The following EPHA1 variants were observed in gnomAD, a reference collection of about 807,000 sequenced individuals.
The protein encoded by EPHA1 is ephrin type-A receptor 1.
In EPHA1, 92 loss-of-function variants were observed where a neutral mutation model predicts 110.1. The observed-to-expected ratio is 0.84, with a 90% confidence interval of 0.71 to 0.99. EPHA1 has a LOEUF of 0.99. Ranked by LOEUF, EPHA1 falls within the 50% of genes least tolerant of loss-of-function variation. The probability of loss-of-function intolerance (pLI) is 0.00; values close to 1 mark genes in which losing one functional copy is unlikely to be tolerated. For missense variants in EPHA1, 1,204 were observed against 1,285.4 expected (o/e 0.94, Z 0.97); for synonymous variants, 500 against 516.1 (o/e 0.97, Z 0.42).
intron 11 of EPHA1, 102 bp downstream of exon 11, chr7:143,396,283 C>T: frequency 6.8e-7 from 1 of 1,465,230 alleles, no homozygotes; most frequent in Non-Finnish European, 9.1e-7. Flanking sequence ...CCAGAGAAGC[C>T]AGCTGGGCTG....
chr7:143,398,139 A>G, intron 7 of EPHA1, 69 bp from the exon 8 acceptor site: 2 of 1,598,520 alleles, frequency 1.3e-6, no homozygotes, highest in Non-Finnish European at 1.7e-6. Context: ...GGACAGCATC[A>G]GAGCACATGG....
At chr7:143,400,397 T>C (rs997523228) in intron 3 of EPHA1, among the ~76,000 whole-genome samples, 9 of 152,206 alleles carry the variant, frequency 5.9e-5, no homozygotes, top group Non-Finnish European at 1.2e-4. Context: ...TTCAGAGGCA[T>C]TCCCAAACTC....
intron 2 of EPHA1, 150 bp downstream of exon 2, chr7:143,407,461 G>T: frequency 1.5e-6 from 1 of 650,264 alleles, no homozygotes; most frequent in Non-Finnish European, 2.7e-6. Context: ...GTCCCATTGA[G>T]GAGGCTCTGA....
chr7:143,395,775 CCCTGTGGAGCGGGACTGGGCCGTG>C lies in EPHA1; in HGVS notation c.1898-295_1898-272del, dbSNP rs1285808187. ...GCTCGGCAACTGCAGGGTGAATGAACCCTGTGGAGCGGGACTGGGCCGTGCTCATGAAGAGCAAGCTAGTGCGGC... is the reference window on the plus strand; with the variant it reads ...GCTCGGCAACTGCAGGGTGAATGAACCTCATGAAGAGCAAGCTAGTGCGGC... On this transcript the variant is annotated intron_variant, in intron 11 of 17. Coordinates refer to ENST00000275815, the MANE Select transcript of EPHA1 (RefSeq NM_005232.5). This position sits in a 1 kb window ranked among gnomAD's most constrained non-coding sequence, Gnocchi z 4.7. Among the ~76,000 whole-genome samples, 1 of 152,236 alleles carries C rather than the reference CCCTGTGGAGCGGGACTGGGCCGTG, an allele frequency of 6.6e-6. No homozygotes were observed. Among genetic ancestry groups the C allele is most frequent in the Non-Finnish European group, 1.5e-5 (1 of 68,054 alleles).
rs1421420411 is a variant in EPHA1, at chr7:143,399,833, A to G, written c.653T>C (p.Leu218Pro). 2 of 1,609,042 alleles carry G rather than the reference A, an allele frequency of 1.2e-6. No homozygotes were observed. The highest frequency in any genetic ancestry group is 1.3e-5 in the African/African-American group (1 of 74,806). ...TTCCACCAACCCAGCGGGGCCAGGC[A>G]GAGTGTCTGGGAATTGGGCCAAGCC... ...LNGLAQFPDT[L>P]PGPAGLVEVA... is the part of the protein sequence containing the mutation. Residue 218 changes from leucine to proline, a missense_variant, in exon 4 of 18, where the codon CTG (leucine) becomes CCG (proline). Leu to Pro is a moderately conservative substitution (Grantham distance 98). Transcript: ENST00000275815.
In EPHA1 at chr7:143,395,027, G is replaced by A. The variant is rs779807002; in HGVS notation, c.2146-13C>T. 6 of 1,613,900 alleles carry A rather than the reference G, an allele frequency of 3.7e-6. No homozygotes were observed. In the South Asian group the frequency reaches 6.6e-5, roughly 18 times the overall value. On this transcript the variant is annotated splice_polypyrimidine_tract_variant and intron_variant, in intron 13 of 17. Coordinates refer to ENST00000275815, the MANE Select transcript of EPHA1 (RefSeq NM_005232.5). The surrounding 1 kb of genome is among the most constrained non-coding windows in gnomAD (Gnocchi z 4.7). ...GGTCCTCCCGCTCCTGCAGCAGGGTGAGTGGGTGAGTCAGGGGATGGGCCA... is the reference window on the plus strand; with the variant it reads ...GGTCCTCCCGCTCCTGCAGCAGGGTAAGTGGGTGAGTCAGGGGATGGGCCA...
At position 143,400,126 on chromosome 7, in the gene EPHA1, G is replaced by A. The variant is rs143695404; in HGVS notation, c.433-73C>T. Reference sequence around the variant, plus strand: ...TCTTTCCCACATAACAGAAACAATCGTTTGCTTAATACTTTCCACAACCAT... The same window carrying A: ...TCTTTCCCACATAACAGAAACAATCATTTGCTTAATACTTTCCACAACCAT... On this transcript the variant is annotated intron_variant, in intron 3 of 17. Transcript: ENST00000275815. The A allele has an allele frequency of 3.4e-3, 4,997 of 1,489,986 alleles. 12 individuals are homozygous for A. Among genetic ancestry groups the A allele is most frequent in the Non-Finnish European group, 3.7e-3 (4,159 of 1,109,852 alleles). The allele number at this position is 1,489,986 out of a possible 1,614,324, so 92.3% of individuals were successfully genotyped here.
At chr7:143,397,702 T>C (rs763454805) in intron 8 of EPHA1, 45 bp from the exon 9 acceptor site, 2 of 1,607,542 alleles carry the variant, frequency 1.2e-6, no homozygotes, top group Non-Finnish European at 1.7e-6. Context: ...TCACAGTCCG[T>C]AGGAATGAGG....
Position 143,397,590 on chromosome 7 carries a change from C to T in EPHA1, c.1683G>A (p.Leu561=), listed in dbSNP as rs1190235949. Residue 561 remains leucine, a synonymous_variant, in exon 9 of 18, where the codon TTG becomes TTA. Transcript: ENST00000275815. ...ACCGGAAAACGAGAATCCCAAGCAG[C>T]AAGGCTGCACCAAGCAGCAGCCCAA... ...VIFGLLLGAA[L]LLGILVFRSR... is the part of the protein sequence containing the mutation. 12 of 1,614,038 alleles carry T rather than the reference C, an allele frequency of 7.4e-6. No individual in the cohort carries two copies. Among genetic ancestry groups the T allele is most frequent in the Non-Finnish European group, 6.8e-6 (8 of 1,179,924 alleles).
Position 143,391,765 on chromosome 7 carries a change from G to T in EPHA1, c.2707C>A (p.Arg903Ser), listed in dbSNP as rs748905712. The part of the protein sequence containing the change: ...IANFDPRMTL[R>S]LPSLSGSDGI... ...TCTGAGCCACTCAGGCTGGGCAGGC[G>T]AAGAGTCATCCTGTGGGACATGGGC... Residue 903 changes from arginine to serine, a missense_variant, in exon 17 of 18, where the codon CGC (arginine) becomes AGC (serine). By Grantham distance (110) the Arg-to-Ser change is moderately radical. Transcript: ENST00000275815. 2 of 1,613,746 alleles carry T rather than the reference G, an allele frequency of 1.2e-6. No homozygotes were observed. The highest frequency in any genetic ancestry group is 1.1e-5 in the South Asian group (1 of 91,088).
Position 143,399,382 on chromosome 7 carries a change from C to T in EPHA1, c.867G>A (p.Met289Ile), listed in dbSNP as rs139580332. The change falls in exon 5 of 18, where the codon ATG becomes ATA. Residue 289 changes from methionine to isoleucine, a missense_variant. By Grantham distance (10) the Met-to-Ile change is conservative. Coordinates refer to ENST00000275815, the MANE Select transcript of EPHA1 (RefSeq NM_005232.5). ...ACPSGSYRMD[M>I]DTPHCLTCPQ... ...GGCACGTGAGACAATGGGGTGTGTC[C>T]ATGTCCATCCGGTAGGAGCCGCTAG... 7.7e-5 allele frequency: 123 copies of T among 1,602,258 alleles called. 1 individual carries two copies. The African/African-American group carries it at 1.5e-3, about 20-fold the overall frequency.
In EPHA1 at chr7:143,401,526, G is replaced by T. The variant is rs760843035; in HGVS notation, c.230C>A (p.Thr77Asn). 9 of 1,614,056 alleles carry T rather than the reference G, an allele frequency of 5.6e-6. No homozygotes were observed. In the Admixed American group the frequency reaches 1.3e-4, roughly 24 times the overall value. Residue 77 changes from threonine to asparagine, a missense_variant, in exon 3 of 18, where the codon ACT becomes AAT. Physicochemically the swap from Thr to Asn is moderately conservative, Grantham distance 65 (BLOSUM62 0). Transcript: ENST00000275815. This position sits in a 1 kb window ranked among gnomAD's most constrained non-coding sequence, Gnocchi z 4.1. ...QDCPMQGRRD[T>N]DHWLRSNWIY... Reference sequence around the variant, plus strand: ...CCAATTGGAGCGAAGCCAGTGGTCAGTGTCTCTGCGTCCTTGCATTGGGCA... The same window carrying T: ...CCAATTGGAGCGAAGCCAGTGGTCATTGTCTCTGCGTCCTTGCATTGGGCA...
Position 143,401,145 on chromosome 7 carries a change from G to T in EPHA1, c.432+179C>A. On this transcript the variant is annotated intron_variant, in intron 3 of 17. Coordinates refer to ENST00000275815, the MANE Select transcript of EPHA1 (RefSeq NM_005232.5). The surrounding 1 kb of genome is among the most constrained non-coding windows in gnomAD (Gnocchi z 4.1). The stretch of plus-strand genomic sequence containing the variant: ...TGGCCTCAAGTGATCTTCCCACATC[G>T]GTTTCCCAAAGCACTGGAATTACAG... 1.3e-6 allele frequency: 1 copy of T among 763,870 alleles called. No individual in the cohort carries two copies. The highest frequency in any genetic ancestry group is 2.1e-6 in the Non-Finnish European group (1 of 485,180). The allele number at this position is 763,870 out of a possible 1,614,324, so 47.3% of individuals were successfully genotyped here.
chr7:143,394,067 G>A, intron 15 of EPHA1, 127 bp downstream of exon 15: 1 of 1,347,236 alleles, frequency 7.4e-7, no homozygotes, highest in Non-Finnish European at 1.0e-6. Context: ...AGAGGAGCCA[G>A]GAGTACAGAA....
At chr7:143,396,250 G>T in intron 11 of EPHA1, 135 bp downstream of exon 11, 2 of 1,230,804 alleles carry the variant, frequency 1.6e-6, no homozygotes, top group Non-Finnish European at 2.2e-6. Flanking sequence ...AGAGCAGAGT[G>T]AGTACCTCTG....
At chr7:143,391,596 G>T in intron 17 of EPHA1, 24 bp downstream of exon 17, 1 of 1,614,144 alleles carries the variant, frequency 6.2e-7, no homozygotes, top group East Asian at 2.2e-5. Flanking sequence ...GCCCTCCCCT[G>T]CCCAGACAGC....
chr7:143,396,262 A>C, intron 11 of EPHA1, 123 bp downstream of exon 11: 1 of 1,325,682 alleles, frequency 7.5e-7, no homozygotes, highest in Non-Finnish European at 1.0e-6. Context: ...GTACCTCTGG[A>C]AACTCTTGGA....
chr7:143,391,696 G>C lies in EPHA1; in HGVS notation c.2776C>G (p.Arg926Gly), dbSNP rs138715519. The C allele has an allele frequency of 6.2e-7, 1 of 1,613,842 alleles. No homozygotes were observed. Among genetic ancestry groups the C allele is most frequent in the South Asian group, 1.1e-5 (1 of 91,090 alleles). Residue 926 changes from arginine to glycine, a missense_variant, in exon 17 of 18, where the codon CGC (arginine) becomes GGC (glycine). Arg to Gly is a moderately radical substitution (Grantham distance 125). Coordinates refer to ENST00000275815, the MANE Select transcript of EPHA1 (RefSeq NM_005232.5). ...RTVSEWLESI[R>G]MKRYILHFHS... ...AAGTGCAGGATGTAGCGTTTCATGC[G>C]TATGGACTCGAGCCACTCAGAGACG...
At chr7:143,403,802 G>GTATA (rs1805480676) in intron 2 of EPHA1, among the ~76,000 whole-genome samples, 1 of 152,198 alleles carries the variant, frequency 6.6e-6, no homozygotes, top group South Asian at 2.1e-4. Context: ...GGAGGAAGTT[G>GTATA]TATATTTCTC....
Sources: allele counts gnomAD v4.1 joint callset (sites outside exome capture counted in the v4.1 genomes callset), GRCh38; gene constraint gnomAD v4.1.1; non-coding constraint Gnocchi (gnomAD v3.1); transcripts MANE v1.5; gene names NCBI Gene and HGNC (gene_info 2026-07-23, HGNC 2026-07-21).